The following GATA3 variants were observed in gnomAD, a reference collection of about 807,000 sequenced individuals.
GATA3 encodes the protein GATA binding protein 3, also known as trans-acting T-cell-specific transcription factor GATA-3.
A neutral mutation model predicts 36.0 loss-of-function variants in GATA3; 6 were observed. The observed-to-expected ratio is 0.17, with a 90% confidence interval of 0.09 to 0.33. GATA3 has a LOEUF of 0.33. GATA3 is among the 10% of genes least tolerant of loss of function. The probability of loss-of-function intolerance (pLI) is 1.00; values close to 1 mark genes in which losing one functional copy is unlikely to be tolerated. For synonymous variants in GATA3, 326 were observed against 273.0 expected (o/e 1.19, Z -1.92); for missense variants, 514 against 610.1 (o/e 0.84, Z 1.66).
At chr10:8,072,103 A>G (rs908234386) in intron 5 of GATA3, among the ~76,000 whole-genome samples, 5 of 152,194 alleles carry the variant, frequency 3.3e-5, no homozygotes, top group Admixed American at 6.5e-5. Context: ...CTCTCCTGCC[A>G]TCGGTCACGT....
intron 4 of GATA3, among the ~76,000 whole-genome samples, chr10:8,064,909 A>G (rs1297869263): frequency 7.0e-6 from 1 of 142,800 alleles, no homozygotes; most frequent in Non-Finnish European, 1.5e-5. Flanking sequence ...CCTTGAGAAA[A>G]CCTGGCTCTG....
At chr10:8,052,374 G>A (rs766780566), upstream of GATA3, 1 of 152,220 alleles carries the variant, frequency 6.6e-6, no homozygotes, top group African/African-American at 2.4e-5. Flanking sequence ...GCGGATAGGC[G>A]CCCTTGCACC....
intron 5 of GATA3, among the ~76,000 whole-genome samples, chr10:8,072,259 A>T (rs1402868930): frequency 2.0e-5 from 3 of 152,120 alleles, no homozygotes; most frequent in African/African-American, 7.2e-5. Flanking sequence ...TTCCTTTCTT[A>T]GCTGTGATTT....
chr10:8,062,796 C>T (rs1047091371), intron 3 of GATA3, among the ~76,000 whole-genome samples: 2 of 152,172 alleles, frequency 1.3e-5, no homozygotes, highest in South Asian at 2.1e-4. Context: ...CCTCCTGTTC[C>T]TGCAAGGAAG....
chr10:8,063,966 G>C (rs775316882), intron 3 of GATA3, 27 bp from the exon 4 acceptor site: 12 of 1,614,198 alleles, frequency 7.4e-6, no homozygotes, highest in Non-Finnish European at 9.3e-6. Flanking sequence ...CCTTCCCTAA[G>C]TGGCTTATCT....
chr10:8,067,623 C>T (rs1219926811), intron 4 of GATA3, among the ~76,000 whole-genome samples: 3 of 152,154 alleles, frequency 2.0e-5, no homozygotes, highest in South Asian at 4.1e-4. Context: ...TAGAGACCAT[C>T]CTGGCTAACA....
At chr10:8,056,017 G>T in intron 2 of GATA3, 121 bp downstream of exon 2, 3 of 1,357,710 alleles carry the variant, frequency 2.2e-6, no homozygotes, top group South Asian at 2.6e-5. Flanking sequence ...GCCGTTCCTG[G>T]TTCATTTACA....
intron 5 of GATA3, among the ~76,000 whole-genome samples, chr10:8,073,430 C>G (rs1247178079): frequency 6.6e-6 from 1 of 152,166 alleles, no homozygotes; most frequent in African/African-American, 2.4e-5. Context: ...GAAGATTCTT[C>G]ACTACCTCGA....
At chr10:8,060,069 GGA>G (rs1277812626) in intron 3 of GATA3, among the ~76,000 whole-genome samples, 3 of 152,188 alleles carry the variant, frequency 2.0e-5, no homozygotes, top group Non-Finnish European at 2.9e-5. Flanking sequence ...GAGTACTCTG[GGA>G]GCCCAGTGAC....
intron 4 of GATA3, among the ~76,000 whole-genome samples, 170 bp downstream of exon 4, chr10:8,064,308 C>CTTTTTTT (rs1315616378): frequency 3.5e-5 from 4 of 114,132 alleles, no homozygotes; most frequent in Non-Finnish European, 5.1e-5. Flanking sequence ...TTTTCTTCTT[C>CTTTTTTT]TTCTTTTTTT....
At chr10:8,048,043 G>A (rs1235689184) in intron 1 of GATA3, among the ~76,000 whole-genome samples, 1 of 152,146 alleles carries the variant, frequency 6.6e-6, no homozygotes, top group Non-Finnish European at 1.5e-5. Flanking sequence ...TATCCGTGCT[G>A]TGAACACATC....
chr10:8,070,647 TG>T (rs1365474622), intron 5 of GATA3, among the ~76,000 whole-genome samples: 6 of 152,138 alleles, frequency 3.9e-5, no homozygotes, highest in Non-Finnish European at 8.8e-5. Flanking sequence ...CAGGAATACC[TG>T]GGAATTGGGG....
At chr10:8,066,419 C>T (rs537544) in intron 4 of GATA3, among the ~76,000 whole-genome samples, 93,324 of 150,752 alleles carry the variant, frequency 0.62, 28,987 homozygotes, top group Admixed American at 0.74. Flanking sequence ...ACAGGACACA[C>T]TCAGATTTCT....
intron 4 of GATA3, among the ~76,000 whole-genome samples, chr10:8,065,737 T>G (rs1832828171): frequency 7.8e-6 from 1 of 128,176 alleles, no homozygotes; most frequent in Non-Finnish European, 1.6e-5. Flanking sequence ...CTTTCTCTCA[T>G]GTGCAAAGCT....
At chr10:8,069,214 C>T (rs1272742522) in intron 4 of GATA3, among the ~76,000 whole-genome samples, 1 of 152,080 alleles carries the variant, frequency 6.6e-6, no homozygotes, top group East Asian at 1.9e-4. Flanking sequence ...GCCCCGGCTT[C>T]CTGCTCCTAC....
intron 5 of GATA3, among the ~76,000 whole-genome samples, chr10:8,069,903 T>C (rs1832904393): frequency 6.6e-6 from 1 of 151,974 alleles, no homozygotes; most frequent in African/African-American, 2.4e-5. Context: ...AAAAAAATCT[T>C]CCTTTTGGAA....
At chr10:8,067,949 CTCTT>C (rs747089047) in intron 4 of GATA3, among the ~76,000 whole-genome samples, 5 of 152,236 alleles carry the variant, frequency 3.3e-5, no homozygotes, top group African/African-American at 4.8e-5. Flanking sequence ...AGAGACTAAA[CTCTT>C]TCTTCTCTTA....
At chr10:8,047,935 C>G (rs1402620085) in intron 1 of GATA3, among the ~76,000 whole-genome samples, 1 of 151,986 alleles carries the variant, frequency 6.6e-6, no homozygotes, top group African/African-American at 2.4e-5. Context: ...CAGGTGGTCT[C>G]TAGCATGTCC....
chr10:8,056,169 TC>T (rs985372169), intron 2 of GATA3, among the ~76,000 whole-genome samples: 14 of 151,970 alleles, frequency 9.2e-5, no homozygotes, highest in African/African-American at 3.1e-4. Context: ...GCCGCAGCCC[TC>T]CGTCTCTGCG....
Sources: allele counts gnomAD v4.1 joint callset (sites outside exome capture counted in the v4.1 genomes callset), GRCh38; gene constraint gnomAD v4.1.1; transcripts MANE v1.5; gene names NCBI Gene and HGNC (gene_info 2026-07-23, HGNC 2026-07-21).